Variants in APBA2 observed in about 807,000 individuals in gnomAD.
APBA2 encodes the protein amyloid-beta A4 precursor protein-binding family A member 2.
APBA2 carries 30 observed loss-of-function variants against 75.0 expected under a neutral mutation model. That is an observed-to-expected ratio of 0.40 (90% CI 0.30 to 0.54). The LOEUF is 0.54. Among genes scored for constraint, APBA2 ranks in the 20% least tolerant of loss-of-function variants. The pLI, the probability that APBA2 is intolerant of heterozygous loss-of-function variation, is 0.49. For synonymous variants in APBA2, 444 were observed against 409.6 expected (o/e 1.08, Z -1.01); for missense variants, 801 against 1,016.1 (o/e 0.79, Z 2.88).
chr15:29,005,122 G>A (rs954653321), intron 3 of APBA2, among the ~76,000 whole-genome samples: 5 of 152,170 alleles, frequency 3.3e-5, no homozygotes, highest in Admixed American at 2.0e-4. Context: ...GATAGGGGCC[G>A]AAATTAAGCA....
intron 2 of APBA2, among the ~76,000 whole-genome samples, chr15:28,987,052 C>T (rs978599180): frequency 6.6e-6 from 1 of 152,096 alleles, no homozygotes; most frequent in South Asian, 2.1e-4. Context: ...CCATTAATCA[C>T]CTCCCAAAGG....
intron 3 of APBA2, among the ~76,000 whole-genome samples, chr15:29,035,531 G>A (rs536861528): frequency 9.2e-5 from 14 of 152,236 alleles, no homozygotes; most frequent in African/African-American, 3.4e-4. Flanking sequence ...GGACCTTGGG[G>A]GCGCCATGTG....
At chr15:28,985,869 G>A (rs1406505602) in intron 2 of APBA2, among the ~76,000 whole-genome samples, 1 of 152,048 alleles carries the variant, frequency 6.6e-6, no homozygotes, top group Non-Finnish European at 1.5e-5. Context: ...TGTGTTGGTG[G>A]CCAGACCCTG....
chr15:28,898,592 AAGC>A (rs1213291394), intron 1 of APBA2, among the ~76,000 whole-genome samples: 1 of 152,176 alleles, frequency 6.6e-6, no homozygotes, highest in Non-Finnish European at 1.5e-5. Flanking sequence ...AGGGGGAGGG[AAGC>A]ACAGCTTTTG....
intron 10 of APBA2, among the ~76,000 whole-genome samples, chr15:29,103,889 T>G (rs1488223806): frequency 1.3e-5 from 2 of 152,190 alleles, no homozygotes; most frequent in African/African-American, 2.4e-5. Flanking sequence ...CCGAGCCCCA[T>G]CAGCTCGCCA....
intron 2 of APBA2, among the ~76,000 whole-genome samples, chr15:28,933,498 T>C (rs2034673785): frequency 6.6e-6 from 1 of 152,216 alleles, no homozygotes; most frequent in Admixed American, 6.5e-5. Flanking sequence ...TATGGTATTT[T>C]GTGAGAGTAC....
intron 4 of APBA2, among the ~76,000 whole-genome samples, chr15:29,055,850 T>C (rs1185839763): frequency 1.3e-5 from 2 of 152,236 alleles, no homozygotes; most frequent in East Asian, 3.8e-4. Flanking sequence ...GACTTCACTT[T>C]GGGGGTGTTC....
intron 6 of APBA2, among the ~76,000 whole-genome samples, chr15:29,090,611 C>T (rs934710143): frequency 2.0e-5 from 3 of 152,196 alleles, no homozygotes; most frequent in Admixed American, 6.5e-5. Context: ...TAAGGACACT[C>T]GCCCAAGGCC....
chr15:29,096,663 C>A lies in APBA2; in HGVS notation c.1252-1827C>A, dbSNP rs537242932. Reference sequence around the variant, plus strand: ...CCCTTGAAAATTGAGCTAAAATACACATTTATTATTACAATACCGGGCCTC... The same window carrying A: ...CCCTTGAAAATTGAGCTAAAATACAAATTTATTATTACAATACCGGGCCTC... On this transcript the variant is annotated intron_variant, in intron 8 of 14. Transcript: ENST00000683413. Among the ~76,000 whole-genome samples the A allele has an allele frequency of 3.9e-5, 6 of 152,362 alleles. No individual in the cohort carries two copies. The South Asian group carries it at 1.0e-3, about 26-fold the overall frequency.
intron 14 of APBA2, among the ~76,000 whole-genome samples, chr15:29,116,625 C>G (rs570505350): frequency 7.8e-5 from 11 of 140,546 alleles, no homozygotes; most frequent in Non-Finnish European, 1.5e-4. Flanking sequence ...AAGACTCCGT[C>G]TCAAAAAAAA....
At position 29,117,176 on chromosome 15, in the gene APBA2, C is replaced by G; in HGVS notation, c.*43C>G. On this transcript the variant is annotated 3_prime_UTR_variant, in exon 15 of 15. Transcript: ENST00000683413. The stretch of plus-strand genomic sequence containing the variant: ...ACGCAGCCAGGACACCGGGCAGGGC[C>G]GCCCGGGCCCAGAGGAGCTGGGAGC... 6.3e-7 allele frequency: 1 copy of G among 1,590,848 alleles called. No individual in the cohort carries two copies. The highest frequency in any genetic ancestry group is 1.1e-5 in the South Asian group (1 of 90,662).
chr15:29,049,762 A>G (rs1328497282), intron 3 of APBA2, among the ~76,000 whole-genome samples: 1 of 152,222 alleles, frequency 6.6e-6, no homozygotes, highest in African/African-American at 2.4e-5. Context: ...GAGCAAAGAC[A>G]GGTCACATGC....
intron 2 of APBA2, among the ~76,000 whole-genome samples, chr15:28,954,493 G>A (rs1566838093): frequency 6.6e-6 from 1 of 152,062 alleles, no homozygotes; most frequent in Non-Finnish European, 1.5e-5. Context: ...TGGCTTCTGC[G>A]GACTTTGGTA....
At chr15:29,093,697 C>T (rs2152952665) in intron 7 of APBA2, among the ~76,000 whole-genome samples, 1 of 152,266 alleles carries the variant, frequency 6.6e-6, no homozygotes, top group East Asian at 1.9e-4. Flanking sequence ...GAAGATGAGG[C>T]CACGTCAGCA....
chr15:28,920,633 C>T (rs988599470), intron 1 of APBA2, among the ~76,000 whole-genome samples: 1 of 152,186 alleles, frequency 6.6e-6, no homozygotes, highest in Non-Finnish European at 1.5e-5. Context: ...GGGTGGCCTG[C>T]TCCCAGGCAG....
chr15:29,071,179 C>T (rs2042606156), intron 4 of APBA2: 1 of 391,800 alleles, frequency 2.6e-6, no homozygotes. Context: ...ATCAAGCAGG[C>T]AAAATGAGAA....
At chr15:29,094,380 G>A in intron 8 of APBA2, 67 bp downstream of exon 8, 1 of 1,470,110 alleles carries the variant, frequency 6.8e-7, no homozygotes, top group Non-Finnish European at 9.5e-7. Context: ...GTCCTGGGCA[G>A]TGGGGGCTGG....
intron 10 of APBA2, 72 bp from the exon 11 acceptor site, chr15:29,105,304 CGCA>C (rs2044337605): frequency 1.3e-6 from 2 of 1,483,072 alleles, no homozygotes; most frequent in Non-Finnish European, 1.8e-6. Flanking sequence ...CCAGCCCTGC[CGCA>C]GCCCCCTGCT....
At chr15:28,996,722 G>C (rs1211997976) in intron 3 of APBA2, among the ~76,000 whole-genome samples, 3 of 152,246 alleles carry the variant, frequency 2.0e-5, no homozygotes, top group Non-Finnish European at 2.9e-5. Context: ...CTGAGCTTCT[G>C]ATGGATTCTG....
Sources: allele counts gnomAD v4.1 joint callset (sites outside exome capture counted in the v4.1 genomes callset), GRCh38; gene constraint gnomAD v4.1.1; transcripts MANE v1.5; gene names NCBI Gene and HGNC (gene_info 2026-07-23, HGNC 2026-07-21).